NPHP4: variants seen among roughly 807,000 people sequenced by gnomAD.
NPHP4 encodes nephrocystin 4, also known as nephrocystin-4.
Under a neutral mutation model 155.8 loss-of-function variants are expected in NPHP4, and 151 were observed. That is an observed-to-expected ratio of 0.97 (90% CI 0.85 to 1.11). The LOEUF (loss-of-function observed/expected upper bound fraction) is 1.11. Ranked by LOEUF, NPHP4 falls within the 50% of genes least tolerant of loss-of-function variation. The pLI is 0.00. For synonymous variants in NPHP4, 845 were observed against 816.8 expected, an observed-to-expected ratio of 1.03 and a Z score of -0.59; for missense variants, 1,956 against 1,925.7, an observed-to-expected ratio of 1.02 and a Z score of -0.29.
In NPHP4 at chr1:5,880,318, G is replaced by A. The variant is rs529421797; in HGVS notation, c.2486-79C>T. ...AAACAGATCAACCCACCACATAAGC[G>A]GCTGTGGCTTTCAAATGGCCTATCT... On this transcript the variant is annotated intron_variant, in intron 18 of 29. Coordinates refer to ENST00000378156, the MANE Select transcript of NPHP4 (RefSeq NM_015102.5). 1,985 of 1,492,334 alleles carry A rather than the reference G, an allele frequency of 1.3e-3. 12 individuals are homozygous for A. The highest frequency in any genetic ancestry group is 6.8e-3 in the South Asian group (574 of 84,784). 92.4% of individuals were successfully genotyped at this position (1,492,334 alleles called of 1,614,324 possible). A position where few individuals can be genotyped will look rare whatever the true frequency, so the allele number is the denominator to read the frequency against.
chr1:5,865,546 G>A (rs1034504508), intron 26 of NPHP4: 32 of 394,904 alleles, frequency 8.1e-5, no homozygotes, highest in Middle Eastern at 1.3e-3. Context: ...GGGCTGCTTA[G>A]GAACCACATG....
At chr1:5,908,965 G>A (rs1181955676) in intron 12 of NPHP4, among the ~76,000 whole-genome samples, 187 bp downstream of exon 12, 1 of 152,234 alleles carries the variant, frequency 6.6e-6, no homozygotes, top group Non-Finnish European at 1.5e-5. Context: ...CCCGCACTGG[G>A]AGTCAGAACA....
chr1:5,975,185 T>G (rs1320789053), intron 3 of NPHP4, among the ~76,000 whole-genome samples: 1 of 152,232 alleles, frequency 6.6e-6, no homozygotes. Context: ...CATACATGTG[T>G]ACATGGATGT....
In NPHP4 at chr1:5,904,992, G is replaced by A. The variant is rs187344056; in HGVS notation, c.1956-188C>T. On this transcript the variant is annotated intron_variant, in intron 15 of 29. Coordinates refer to ENST00000378156, the MANE Select transcript of NPHP4 (RefSeq NM_015102.5). ...AAGCCGGCCAGACAGCAGCATTCTC[G>A]AGTGTAAGGACACTCCCGGCTAGAG... Among the ~76,000 whole-genome samples, 29 of 152,284 alleles carry A rather than the reference G, an allele frequency of 1.9e-4. No homozygotes were observed. The East Asian group carries it at 4.8e-3, about 25-fold the overall frequency.
Position 5,863,359 on chromosome 1 carries a change from C to T in NPHP4, c.4187G>A (p.Ser1396Asn). The T allele has an allele frequency of 6.2e-7, 1 of 1,614,018 alleles. No individual in the cohort carries two copies. Among genetic ancestry groups the T allele is most frequent in the Non-Finnish European group, 8.5e-7 (1 of 1,179,880 alleles). Residue 1396 changes from serine (S) to asparagine (N), a missense_variant, in exon 30 of 30, where the codon AGT becomes AAT. Physicochemically the swap from Ser to Asn is conservative, Grantham distance 46. Coordinates refer to ENST00000378156, the MANE Select transcript of NPHP4 (RefSeq NM_015102.5). ...GATCTCCTCCTCACCCACTCTCTGA[C>T]TAGGCGCAAACTGCAAGCCGATGGT... is the stretch of plus-strand genomic sequence containing the variant. ...TYTIGLQFAP[S>N]QRVGEEEILI...
chr1:5,935,383 C>T (rs1046024663), intron 9 of NPHP4, among the ~76,000 whole-genome samples: 2 of 152,138 alleles, frequency 1.3e-5, no homozygotes, highest in African/African-American at 2.4e-5. Context: ...GAGAAAACAC[C>T]CACACCATGG....
intron 23 of NPHP4, among the ~76,000 whole-genome samples, chr1:5,871,604 A>G (rs549199570): frequency 2.0e-5 from 3 of 152,338 alleles, no homozygotes; most frequent in Admixed American, 2.0e-4. Flanking sequence ...TGGAACACGC[A>G]GTGGGCCAGG....
chr1:5,908,863 G>A (rs566076952), intron 12 of NPHP4, among the ~76,000 whole-genome samples: 1 of 152,206 alleles, frequency 6.6e-6, no homozygotes, highest in Admixed American at 6.5e-5. Context: ...GTCCAGTCCT[G>A]AGAGTTGCCA....
Position 5,894,109 on chromosome 1 carries a change from A to T in NPHP4, c.2144-3081T>A, listed in dbSNP as rs557427692. ...AACTATTCTTGTTTTATATTTTATT[A>T]TACTGGAACAGCTCATGTCCTCGTT... On this transcript the variant is annotated intron_variant, in intron 16 of 29. Transcript: ENST00000378156. Among the ~76,000 whole-genome samples the T allele has an allele frequency of 2.0e-5, 3 of 152,350 alleles. No individual in the cohort carries two copies. In the East Asian group the frequency reaches 5.8e-4, roughly 29 times the overall value.
intron 22 of NPHP4, chr1:5,873,838 GCACA>G (rs1238907865): frequency 4.2e-6 from 1 of 238,306 alleles, no homozygotes; most frequent in Non-Finnish European, 8.2e-6. Flanking sequence ...CATACTCCCT[GCACA>G]CACACAACTG....
At chr1:5,986,034 C>T in intron 2 of NPHP4, 121 bp downstream of exon 2, 1 of 1,121,030 alleles carries the variant, frequency 8.9e-7, no homozygotes, top group Non-Finnish European at 1.3e-6. Flanking sequence ...ATGGGTACCA[C>T]CATAAAGTAG....
rs775841875 is a variant in NPHP4 at position 5,874,884 on chromosome 1, G to T, written c.3034C>A (p.Pro1012Thr). 8 of 1,613,670 alleles carry T rather than the reference G, an allele frequency of 5.0e-6. No individual in the cohort carries two copies. Among genetic ancestry groups the T allele is most frequent in the Non-Finnish European group, 5.9e-6 (7 of 1,179,722 alleles). ...QHTVTVEIDN[P>T]ELSVIVDSQE... ...CCACTGAGACCTCACCTGAGCTCGG[G>T]GTTGTCGATCTCCACAGTCACCGTG... is the stretch of plus-strand genomic sequence containing the variant. Residue 1012 changes from proline (P) to threonine (T), a missense_variant, in exon 21 of 30, where the codon CCC becomes ACC. Physicochemically the swap from Pro to Thr is conservative, Grantham distance 38. Transcript: ENST00000378156.
chr1:5,985,019 AG>A (rs1655258465), intron 2 of NPHP4, among the ~76,000 whole-genome samples: 1 of 152,236 alleles, frequency 6.6e-6, no homozygotes, highest in African/African-American at 2.4e-5. Flanking sequence ...GAATGAACAC[AG>A]TGAAGTGCTA....
chr1:5,941,520 G>A (rs2101855355), intron 9 of NPHP4, among the ~76,000 whole-genome samples: 1 of 152,152 alleles, frequency 6.6e-6, no homozygotes, highest in East Asian at 1.9e-4. Flanking sequence ...GAAAATATCT[G>A]CACTATTTAT....
Position 5,874,719 on chromosome 1 carries a change from C to T in NPHP4, c.3045-62G>A, listed in dbSNP as rs182960009. On this transcript the variant is annotated intron_variant, in intron 21 of 29. Transcript: ENST00000378156. ...TCCCAGGAGGACCCACAGGAGGCTGCGGTCCCACCCACCGAGAGCGGTGCT... is the reference window on the plus strand; with the variant it reads ...TCCCAGGAGGACCCACAGGAGGCTGTGGTCCCACCCACCGAGAGCGGTGCT... 522 of 1,551,204 alleles carry T rather than the reference C, an allele frequency of 3.4e-4. 4 individuals carry two copies. Among genetic ancestry groups the T allele is most frequent in the South Asian group, 1.8e-3 (155 of 86,646 alleles).
At chr1:5,986,419 G>A (rs897801468) in intron 1 of NPHP4, 92 bp from the exon 2 acceptor site, 2 of 1,058,838 alleles carry the variant, frequency 1.9e-6, no homozygotes, top group African/African-American at 1.6e-5. Flanking sequence ...CTAAATCCCA[G>A]AGGAACCTCC....
intron 3 of NPHP4, among the ~76,000 whole-genome samples, chr1:5,971,402 T>C (rs1421390738): frequency 6.6e-6 from 1 of 152,244 alleles, no homozygotes; most frequent in African/African-American, 2.4e-5. Flanking sequence ...CCAGTACAAT[T>C]ACTGATTGAT....
Position 5,948,159 on chromosome 1 carries a change from C to A in NPHP4, c.903G>T (p.Pro301=), listed in dbSNP as rs757313436. 6.2e-7 allele frequency: 1 copy of A among 1,613,252 alleles called. No homozygotes were observed. Among genetic ancestry groups the A allele is most frequent in the Non-Finnish European group, 8.5e-7 (1 of 1,179,672 alleles). The change falls in exon 8 of 30, where the codon CCG becomes CCT. Residue 301 remains proline (P), a synonymous_variant. Coordinates refer to ENST00000378156, the MANE Select transcript of NPHP4 (RefSeq NM_015102.5). ...TCTCAGGCACCAGTACAACGACCTG[C>A]GGCCTCTGCACGAAGCCCAGACCAT... ...VHNGLGFVQR[P]QVVVLVPEMD...
chr1:5,921,091 A>C (rs1159492547), intron 11 of NPHP4, among the ~76,000 whole-genome samples: 1 of 152,270 alleles, frequency 6.6e-6, no homozygotes, highest in Non-Finnish European at 1.5e-5. Flanking sequence ...TTCATAAGCA[A>C]TACATGCAAT....
Sources: gnomAD v4.1 joint callset for allele counts (sites outside exome capture counted in the v4.1 genomes callset) on GRCh38, gnomAD v4.1.1 for gene constraint, MANE v1.5 for transcripts, NCBI Gene and HGNC (gene_info 2026-07-23, HGNC 2026-07-21) for gene names.